Variants in FAM217A observed in about 807,000 individuals in gnomAD.
The protein encoded by FAM217A is family with sequence similarity 217 member A, also known as protein FAM217A.
A neutral mutation model predicts 18.5 loss-of-function variants in FAM217A; 13 were observed. The ratio of observed to expected loss-of-function variants is 0.70; its 90% CI spans 0.46 to 1.12. The LOEUF is 1.12. FAM217A is among the 50% of genes most tolerant of loss of function. FAM217A has a pLI of 0.00. For synonymous variants in FAM217A, 161 were observed against 202.8 expected, an observed-to-expected ratio of 0.79 and a Z score of 1.75; for missense variants, 560 against 575.4, an observed-to-expected ratio of 0.97 and a Z score of 0.27.
chr6:4,073,295 T>A lies in FAM217A; in HGVS notation c.282A>T (p.Glu94Asp). The change falls in exon 6 of 7, where the codon GAA becomes GAT. Residue 94 changes from glutamate (E) to aspartate (D), a missense_variant. By Grantham distance (45) the Glu-to-Asp change is conservative. Coordinates refer to ENST00000274673, the MANE Select transcript of FAM217A (RefSeq NM_173563.3). ...IFQLWNCPLN[E>D]GSTIEKREFK... The stretch of plus-strand genomic sequence containing the variant: ...CTTACCTCTTCTCTATGGTACTTCC[T>A]TCATTAAGAGGACAATTCCATAATT... The A allele has an allele frequency of 1.2e-6, 2 of 1,608,944 alleles. No individual in the cohort carries two copies. The highest frequency in any genetic ancestry group is 1.7e-6 in the Non-Finnish European group (2 of 1,178,596).
At position 4,077,714 on chromosome 6, in the gene FAM217A, A is replaced by G. The variant is rs1302593247; in HGVS notation, c.-34-266T>C. Reference sequence around the variant, plus strand: ...ATTGAGATCAGAGGTGAGAAAGCAAATATCAGCTAAGAAGATGAAATACAC... The same window carrying G: ...ATTGAGATCAGAGGTGAGAAAGCAAGTATCAGCTAAGAAGATGAAATACAC... On this transcript the variant is annotated intron_variant, in intron 1 of 6. Transcript: ENST00000274673. Among the ~76,000 whole-genome samples the G allele has an allele frequency of 2.6e-5, 4 of 152,202 alleles. No homozygotes were observed. The East Asian group carries it at 7.7e-4, about 29-fold the overall frequency.
intron 1 of FAM217A, 104 bp from the exon 2 acceptor site, chr6:4,077,552 TAGAA>T (rs1769911959): frequency 1.0e-6 from 1 of 990,908 alleles, no homozygotes; most frequent in East Asian, 2.5e-5. Flanking sequence ...AGAGAATGCT[TAGAA>T]AGCAGAAGAG....
chr6:4,080,623 G>C (rs892489927), upstream of FAM217A, among the ~76,000 whole-genome samples: 2 of 152,196 alleles, frequency 1.3e-5, no homozygotes, highest in South Asian at 4.1e-4. Flanking sequence ...ATACAGACCT[G>C]CTCAACTGCC....
intron 2 of FAM217A, among the ~76,000 whole-genome samples, 182 bp downstream of exon 2, chr6:4,077,173 T>G (rs867711215): frequency 3.3e-5 from 5 of 152,214 alleles, no homozygotes; most frequent in Admixed American, 6.5e-5. Context: ...TAATTTTCCC[T>G]TTGTTAAAAG....
At chr6:4,081,566 C>T (rs981598967), upstream of FAM217A, among the ~76,000 whole-genome samples, 13 of 152,212 alleles carry the variant, frequency 8.5e-5, no homozygotes, top group Non-Finnish European at 1.5e-5. Context: ...CTGGCCTCAG[C>T]CTCCCAAAGT....
chr6:4,077,775 G>C (rs1769935035), intron 1 of FAM217A, among the ~76,000 whole-genome samples: 1 of 152,280 alleles, frequency 6.6e-6, no homozygotes, highest in East Asian at 1.9e-4. Flanking sequence ...CTGGAACTTA[G>C]AAAACAGGGG....
upstream of FAM217A, among the ~76,000 whole-genome samples, chr6:4,083,992 A>G (rs1453726792): frequency 1.3e-5 from 2 of 152,182 alleles, no homozygotes; most frequent in African/African-American, 4.8e-5. Flanking sequence ...ATTATGGGCA[A>G]TCTGTATTTA....
chr6:4,079,453 T>A (rs865820808), upstream of FAM217A: 2 of 376,838 alleles, frequency 5.3e-6, no homozygotes, highest in Admixed American at 4.0e-5. Context: ...TCGGGCCTTC[T>A]CGGACTTTCC....
upstream of FAM217A, chr6:4,079,598 G>A (rs770912208): frequency 2.3e-5 from 30 of 1,287,810 alleles, 1 homozygote; most frequent in African/African-American, 3.8e-4. Context: ...TGGCCAGTGG[G>A]CCTCTGGGAC....
chr6:4,069,237 T>G lies in FAM217A; in HGVS notation c.986A>C (p.Lys329Thr), dbSNP rs768160868. 8 of 1,614,038 alleles carry G rather than the reference T, an allele frequency of 5.0e-6. No homozygotes were observed. The highest frequency in any genetic ancestry group is 5.9e-6 in the Non-Finnish European group (7 of 1,180,030). The change falls in exon 7 of 7, where the codon AAA (lysine) becomes ACA (threonine). Residue 329 changes from lysine (K) to threonine (T), a missense_variant. Lys to Thr is a moderately conservative substitution (Grantham distance 78, BLOSUM62 -1). Transcript: ENST00000274673. ...GTCGCAAAGTTTTGGCTGTCTCACT[T>G]TTGGTGTAGCTTTGGAGGAAGAGGG... ...ERPSSSKATP[K>T]VRQPKLCDSL...
chr6:4,079,362 G>A (rs1581895827), upstream of FAM217A: 3 of 249,166 alleles, frequency 1.2e-5, no homozygotes, highest in East Asian at 1.7e-4. Flanking sequence ...TCCCCCGCGG[G>A]GCTGCGCAGC....
chr6:4,086,399 T>C lies in FAM217A; in HGVS notation c.18+611A>G, dbSNP rs563221929. 1.5e-4 allele frequency among the ~76,000 whole-genome samples: 19 copies of C among 129,032 alleles called. 1 individual carries two copies. The East Asian group carries it at 4.3e-3, about 29-fold the overall frequency. 84.7% of individuals were successfully genotyped at this position (129,032 alleles called of 152,430 possible). On this transcript the variant is annotated intron_variant, in intron 1 of 8. Coordinates refer to the FAM217A transcript ENST00000639338. Reference sequence around the variant, plus strand: ...AGGCAGAGGTTGCAGTGAGCCGAGATCACGCCATTACACTCCTGCCTGGGC... The same window carrying C: ...AGGCAGAGGTTGCAGTGAGCCGAGACCACGCCATTACACTCCTGCCTGGGC...
At chr6:4,072,466 T>TA (rs60967444) in intron 6 of FAM217A, among the ~76,000 whole-genome samples, 3,906 of 146,826 alleles carry the variant, frequency 0.027, 181 homozygotes, top group African/African-American at 0.089. Context: ...AAAAAGTATT[T>TA]AAAAAAAAAA....
intron 6 of FAM217A, 30 bp from the exon 7 acceptor site, chr6:4,069,950 T>C (rs1468544373): frequency 7.1e-7 from 1 of 1,417,374 alleles, no homozygotes; most frequent in Admixed American, 2.2e-5. Context: ...TAATGAATGG[T>C]TTATTGACTA....
intron 6 of FAM217A, among the ~76,000 whole-genome samples, chr6:4,070,723 G>A (rs1581874019): frequency 6.6e-6 from 1 of 152,294 alleles, no homozygotes; most frequent in Non-Finnish European, 1.5e-5. Context: ...ATACTTTCGA[G>A]GCCAGGCACA....
intron 4 of FAM217A, 105 bp from the exon 5 acceptor site, chr6:4,073,612 G>T: frequency 2.4e-6 from 2 of 831,078 alleles, no homozygotes; most frequent in East Asian, 2.8e-5. Flanking sequence ...TGGTAAAACT[G>T]AATGACACTT....
chr6:4,077,871 C>T (rs539940754), intron 1 of FAM217A, among the ~76,000 whole-genome samples: 2 of 152,196 alleles, frequency 1.3e-5, no homozygotes, highest in South Asian at 2.1e-4. Context: ...GCAAGCACCC[C>T]GTGCATATTT....
At chr6:4,072,570 G>A (rs548673650) in intron 6 of FAM217A, among the ~76,000 whole-genome samples, 285 of 151,974 alleles carry the variant, frequency 1.9e-3, no homozygotes, top group African/African-American at 6.5e-3. Flanking sequence ...TGAGACCAGC[G>A]TGACCAACAT....
chr6:4,075,631 T>C (rs891944301), intron 2 of FAM217A, among the ~76,000 whole-genome samples: 2 of 152,170 alleles, frequency 1.3e-5, no homozygotes, highest in Non-Finnish European at 2.9e-5. Flanking sequence ...AAACAGAAAG[T>C]GAAGAGGTGA....
Sources: allele counts gnomAD v4.1 joint callset (sites outside exome capture counted in the v4.1 genomes callset), GRCh38; gene constraint gnomAD v4.1.1; transcripts MANE v1.5; gene names NCBI Gene and HGNC (gene_info 2026-07-23, HGNC 2026-07-21).